Variants in RER1 observed in about 807,000 individuals in gnomAD.
RER1 encodes protein RER1.
In RER1, 6 loss-of-function variants were observed where a neutral mutation model predicts 28.3. That is an observed-to-expected ratio of 0.21 (90% CI 0.12 to 0.42). The LOEUF is 0.42. RER1 is among the 10% of genes least tolerant of loss of function. The probability of loss-of-function intolerance (pLI) is 1.00; values close to 1 mark genes in which losing one functional copy is unlikely to be tolerated. For missense variants in RER1, 159 were observed against 252.9 expected (o/e 0.63, Z 2.52); for synonymous variants, 110 against 95.9 (o/e 1.15, Z -0.86).
chr1:2,392,176 C>G (rs1395071696), intron 1 of RER1, among the ~76,000 whole-genome samples: 2 of 146,854 alleles, frequency 1.4e-5, no homozygotes, highest in African/African-American at 5.1e-5. Context: ...CTGGGGGGTG[C>G]GGCGGAGCCC....
chr1:2,396,983 C>T (rs779395368), intron 2 of RER1, 133 bp from the exon 3 acceptor site: 2 of 586,868 alleles, frequency 3.4e-6, no homozygotes, highest in East Asian at 2.8e-5. Context: ...TAGATGATCT[C>T]TTGCTATTTT....
intron 1 of RER1, among the ~76,000 whole-genome samples, chr1:2,392,448 A>G (rs1018425827): frequency 6.6e-6 from 1 of 152,192 alleles, no homozygotes; most frequent in African/African-American, 2.4e-5. Context: ...AAGGGAAACT[A>G]GTTACATCGG....
intron 6 of RER1, 85 bp downstream of exon 6, chr1:2,402,427 G>T (rs962992430): frequency 1.9e-6 from 3 of 1,571,176 alleles, no homozygotes; most frequent in Non-Finnish European, 2.6e-6. Context: ...GGGCTGTGGT[G>T]GGTGGTGGCA....
chr1:2,393,622 G>C (rs761418715), intron 1 of RER1, among the ~76,000 whole-genome samples: 2 of 152,202 alleles, frequency 1.3e-5, no homozygotes, highest in Admixed American at 1.3e-4. Context: ...GAGAGGTGCT[G>C]TTGTCCCATT....
rs779876673 is a variant in RER1, at chr1:2,404,006, C to T, written c.*882C>T. The T allele has an allele frequency of 1.3e-5, 2 of 152,226 alleles. No homozygotes were observed. The highest frequency in any genetic ancestry group is 4.8e-5 in the African/African-American group (2 of 41,454). 9.4% of individuals were successfully genotyped at this position (152,226 alleles called of 1,614,324 possible). A position where few individuals can be genotyped will look rare whatever the true frequency, so the allele number is the denominator to read the frequency against. ...ACCTCCACCTTTACTAAAGTCTTTA[C>T]CTAAAACATGGCAGTCGCTGGACAC... On this transcript the variant is annotated 3_prime_UTR_variant, in exon 7 of 7. Transcript: ENST00000605895.
At chr1:2,397,249 G>A in intron 3 of RER1, 29 bp downstream of exon 3, 1 of 1,483,874 alleles carries the variant, frequency 6.7e-7, no homozygotes, top group Non-Finnish European at 9.4e-7. Context: ...GACGAGACTT[G>A]GCTCTGTCCA....
intron 6 of RER1, 135 bp downstream of exon 6, chr1:2,402,477 C>A: frequency 8.5e-7 from 1 of 1,170,420 alleles, no homozygotes; most frequent in East Asian, 2.4e-5. Context: ...GTGGCACCGT[C>A]TTGTGTGTGA....
rs1222534975 is a variant in RER1, at chr1:2,404,353, G to A, written c.*1229G>A. On this transcript the variant is annotated 3_prime_UTR_variant, in exon 7 of 7. Transcript: ENST00000605895. ...GGTGGTACTTCTGGTACCGTGTTGA[G>A]ACACTTGGGATTCTCAGACTGTGGA... 1 of 152,264 alleles carries A rather than the reference G, an allele frequency of 6.6e-6. No individual in the cohort carries two copies. The highest frequency in any genetic ancestry group is 1.5e-5 in the Non-Finnish European group (1 of 68,066). 9.4% of individuals were successfully genotyped at this position (152,264 alleles called of 1,614,324 possible).
chr1:2,391,848 C>G lies in RER1; in HGVS notation c.-118C>G, dbSNP rs1048463908. 9 of 325,148 alleles carry G rather than the reference C, an allele frequency of 2.8e-5. No individual in the cohort carries two copies. Among genetic ancestry groups the G allele is most frequent in the African/African-American group, 8.6e-5 (4 of 46,724 alleles). The allele number at this position is 325,148 out of a possible 1,614,324, so 20.1% of individuals were successfully genotyped here. On this transcript the variant is annotated 5_prime_UTR_variant, in exon 1 of 7. Transcript: ENST00000605895. ...CCGCGGAGGACGGAGCGGAAGTGCT[C>G]GCTGCAGCTTCCCGGAGCCGGAGCG... is the stretch of plus-strand genomic sequence containing the variant.
intron 5 of RER1, 85 bp from the exon 6 acceptor site, chr1:2,402,122 C>T (rs561480875): frequency 1.3e-4 from 203 of 1,613,584 alleles, no homozygotes; most frequent in Non-Finnish European, 1.6e-4. Flanking sequence ...CGGGGACGGT[C>T]GGTGCAGCTG....
chr1:2,396,370 G>T, intron 2 of RER1: 1 of 156,224 alleles, frequency 6.4e-6, no homozygotes, highest in Non-Finnish European at 1.4e-5. Context: ...GAAAAGCTTG[G>T]GTCACCGGCA....
At chr1:2,394,962 G>T (rs1024142415) in intron 1 of RER1, 1 of 152,378 alleles carries the variant, frequency 6.6e-6, no homozygotes, top group Non-Finnish European at 1.5e-5. Flanking sequence ...CAGGAGTGGG[G>T]TGGCGGCGTG....
chr1:2,392,173 G>GA lies in RER1; in HGVS notation c.-8+215_-8+216insA, dbSNP rs1642686098. Among the ~76,000 whole-genome samples, 21 of 151,914 alleles carry GA rather than the reference G, an allele frequency of 1.4e-4. 2 individuals carry two copies. The South Asian group carries it at 4.1e-3, about 30-fold the overall frequency. On this transcript the variant is annotated intron_variant, in intron 1 of 6. Transcript: ENST00000605895. ...CGGGCCCGGGACGGGGTGCTGGGGG[G>GA]TGCGGCGGAGCCCTGGGGCCTGCGA...
intron 3 of RER1, among the ~76,000 whole-genome samples, chr1:2,398,636 G>A (rs1357589811): frequency 6.6e-6 from 1 of 152,204 alleles, no homozygotes; most frequent in Non-Finnish European, 1.5e-5. Flanking sequence ...TGATCCACCC[G>A]CCTTGGCCTC....
chr1:2,399,984 C>T (rs935903605), intron 4 of RER1, among the ~76,000 whole-genome samples: 1 of 152,192 alleles, frequency 6.6e-6, no homozygotes, highest in Non-Finnish European at 1.5e-5. Context: ...AGGCTTTGGG[C>T]GGCCTTCTCT....
chr1:2,398,231 T>G (rs1263159761), intron 3 of RER1, among the ~76,000 whole-genome samples: 3 of 152,072 alleles, frequency 2.0e-5, no homozygotes, highest in Non-Finnish European at 4.4e-5. Context: ...CAGCCGAGGA[T>G]GGACACACAG....
At chr1:2,397,584 C>G (rs772415679) in intron 3 of RER1, among the ~76,000 whole-genome samples, 10 of 150,972 alleles carry the variant, frequency 6.6e-5, no homozygotes, top group Non-Finnish European at 1.3e-4. Flanking sequence ...GGTGAAGAGT[C>G]CATGCCTTGG....
Position 2,405,247 on chromosome 1 carries a change from G to A in RER1, c.*2123G>A, listed in dbSNP as rs924082874. On this transcript the variant is annotated 3_prime_UTR_variant, in exon 7 of 7. Coordinates refer to ENST00000605895, the MANE Select transcript of RER1 (RefSeq NM_007033.5). ...CCTGGGGGATGTGCTCTGCCCAGCC[G>A]CCCTCGGGGAGAGCAGCGCCGCCTC... The A allele has an allele frequency of 1.5e-5, 4 of 258,202 alleles. No individual in the cohort carries two copies. The highest frequency in any genetic ancestry group is 5.1e-5 in the Admixed American group (1 of 19,644). The allele number at this position is 258,202 out of a possible 1,614,324, so 16.0% of individuals were successfully genotyped here. A position where few individuals can be genotyped will look rare whatever the true frequency, so the allele number is the denominator to read the frequency against.
At chr1:2,392,727 A>G (rs1642702408) in intron 1 of RER1, among the ~76,000 whole-genome samples, 1 of 152,186 alleles carries the variant, frequency 6.6e-6, no homozygotes, top group South Asian at 2.1e-4. Context: ...TAAGTGGATA[A>G]AGGGTTCTCA....
Sources: allele counts gnomAD v4.1 joint callset (sites outside exome capture counted in the v4.1 genomes callset), GRCh38; gene constraint gnomAD v4.1.1; transcripts MANE v1.5; gene names NCBI Gene and HGNC (gene_info 2026-07-23, HGNC 2026-07-21).